MS4A5: variants seen among roughly 807,000 people sequenced by gnomAD.
MS4A5 encodes the protein membrane-spanning 4-domains subfamily A member 5.
A neutral mutation model predicts 18.2 loss-of-function variants in MS4A5; 15 were observed. The ratio of observed to expected loss-of-function variants is 0.83; its 90% CI spans 0.55 to 1.27. The LOEUF (loss-of-function observed/expected upper bound fraction) is 1.27. MS4A5 is among the 50% of genes most tolerant of loss of function. The pLI, the probability that MS4A5 is intolerant of heterozygous loss-of-function variation, is 0.00. For missense variants in MS4A5, 232 were observed against 225.7 expected, an observed-to-expected ratio of 1.03 and a Z score of -0.18; for synonymous variants, 89 against 78.7, an observed-to-expected ratio of 1.13 and a Z score of -0.69.
intron 4 of MS4A5, among the ~76,000 whole-genome samples, chr11:60,442,709 C>A (rs1007303441): frequency 2.0e-5 from 3 of 152,124 alleles, no homozygotes; most frequent in Non-Finnish European, 4.4e-5. Flanking sequence ...CCCCGCTGTA[C>A]AACAGATCTC....
At chr11:60,432,641 CA>C (rs2135171297) in intron 3 of MS4A5, among the ~76,000 whole-genome samples, 174 bp downstream of exon 3, 1 of 151,902 alleles carries the variant, frequency 6.6e-6, no homozygotes, top group East Asian at 1.9e-4. Context: ...CAAAATTAGC[CA>C]GGTGTGGTGG....
chr11:60,441,766 A>C lies in MS4A5; in HGVS notation c.493-5883A>C, dbSNP rs561528113. 4.6e-5 allele frequency among the ~76,000 whole-genome samples: 7 copies of C among 152,194 alleles called. No homozygotes were observed. In the South Asian group the frequency reaches 1.4e-3, roughly 32 times the overall value. ...ATTAAAAAATTTAAAATTTTAAAAA[A>C]AGATGGTCCCAGTAAATAAGAGTTT... On this transcript the variant is annotated intron_variant, in intron 4 of 4. Coordinates refer to ENST00000300190, the MANE Select transcript of MS4A5 (RefSeq NM_023945.3).
intron 4 of MS4A5, among the ~76,000 whole-genome samples, chr11:60,440,163 C>A (rs2086102667): frequency 1.2e-5 from 1 of 85,206 alleles, no homozygotes; most frequent in Admixed American, 1.4e-4. Context: ...CTGAGAAAAA[C>A]AAGCAATGGG....
At chr11:60,434,866 T>C (rs935846115) in intron 4 of MS4A5, among the ~76,000 whole-genome samples, 2 of 152,202 alleles carry the variant, frequency 1.3e-5, no homozygotes, top group African/African-American at 4.8e-5. Flanking sequence ...AGGTTTCACA[T>C]CCACTCAAAG....
chr11:60,434,349 C>CCACTAAGATTAGTGGTATTCTTTTA (rs1203553511), intron 4 of MS4A5, among the ~76,000 whole-genome samples: 19 of 152,060 alleles, frequency 1.2e-4, no homozygotes, highest in African/African-American at 4.6e-4. Flanking sequence ...CTTCAAAATA[C>CCACTAAGATTAGTGGTATTCTTTTA]CACTAAGATT....
At chr11:60,430,701 A>G in intron 1 of MS4A5, 95 bp from the exon 2 acceptor site, 1 of 1,445,524 alleles carries the variant, frequency 6.9e-7, no homozygotes, top group Non-Finnish European at 9.4e-7. Flanking sequence ...AAAGAGAGTA[A>G]TTGCCAAATC....
intron 4 of MS4A5, among the ~76,000 whole-genome samples, chr11:60,442,752 G>A (rs1328236000): frequency 6.6e-6 from 1 of 152,168 alleles, no homozygotes; most frequent in Non-Finnish European, 1.5e-5. Flanking sequence ...ACTAACTGAT[G>A]GAAGTGATAA....
chr11:60,433,987 G>A, intron 4 of MS4A5, 70 bp downstream of exon 4: 4 of 1,322,986 alleles, frequency 3.0e-6, no homozygotes, highest in African/African-American at 1.5e-5. Context: ...CACTCAATCA[G>A]CACCATTCAG....
At chr11:60,435,325 C>CAAAAAAAAAAA in intron 4 of MS4A5, 1 of 393,162 alleles carries the variant, frequency 2.5e-6, no homozygotes, top group Middle Eastern at 3.6e-4. Flanking sequence ...CAGAACATAG[C>CAAAAAAAAAAA]AAAAAAAAAA....
Position 60,433,803 on chromosome 11 carries a change from G to T in MS4A5, c.378G>T (p.Leu126=). ...GAATAATGAATTTTCTTAGTGCCCT[G>T]GGAGCAATAGCTGGAATCATTCTCC... ...LSRIMNFLSA[L]GAIAGIILLT... The change falls in exon 4 of 5, where the codon CTG becomes CTT. Residue 126 remains leucine, a synonymous_variant. Coordinates refer to ENST00000300190, the MANE Select transcript of MS4A5 (RefSeq NM_023945.3). 1 of 1,613,874 alleles carries T rather than the reference G, an allele frequency of 6.2e-7. No homozygotes were observed. The highest frequency in any genetic ancestry group is 1.7e-5 in the Admixed American group (1 of 60,016).
chr11:60,447,412 A>G (rs1224336777), intron 4 of MS4A5, among the ~76,000 whole-genome samples: 1 of 152,212 alleles, frequency 6.6e-6, no homozygotes, highest in Non-Finnish European at 1.5e-5. Context: ...GTACTATGCT[A>G]TGCTATCCTA....
At chr11:60,436,868 AC>A (rs1488774656) in intron 4 of MS4A5, among the ~76,000 whole-genome samples, 3 of 134,646 alleles carry the variant, frequency 2.2e-5, no homozygotes, top group African/African-American at 7.8e-5. Context: ...ATCCAGGAGA[AC>A]TTCCCCAATC....
intron 4 of MS4A5, among the ~76,000 whole-genome samples, chr11:60,438,342 C>T (rs1276973953): frequency 6.6e-6 from 1 of 151,920 alleles, no homozygotes. Context: ...AAATTGACAC[C>T]CTAACATCAC....
intron 3 of MS4A5, 91 bp from the exon 4 acceptor site, chr11:60,433,673 TA>T: frequency 7.6e-7 from 1 of 1,307,456 alleles, no homozygotes; most frequent in Non-Finnish European, 1.1e-6. Context: ...ATGCTGTGAC[TA>T]AAATCCTGCT....
intron 4 of MS4A5, among the ~76,000 whole-genome samples, chr11:60,436,657 GAAGA>G (rs966926824): frequency 1.5e-5 from 2 of 134,416 alleles, no homozygotes; most frequent in African/African-American, 5.1e-5. Flanking sequence ...CGATCAACTG[GAAGA>G]AAGGGTATCA....
At position 60,429,713 on chromosome 11, in the gene MS4A5, A is replaced by G. The variant is rs752945816; in HGVS notation, c.39A>G (p.Val13=). The G allele has an allele frequency of 3.1e-6, 5 of 1,613,880 alleles. No individual in the cohort carries two copies. In the Admixed American group the frequency reaches 8.3e-5, roughly 27 times the overall value. Residue 13 remains valine, a synonymous_variant, in exon 1 of 5, where the codon GTA becomes GTG. Transcript: ENST00000300190. ...SSTAHSPVFL[V]FPPEITASEY... ...CCGCACACAGTCCGGTGTTTCTGGT[A>G]TTTCCTCCAGAAATCACTGCTTCAG... is the stretch of plus-strand genomic sequence containing the variant.
At chr11:60,430,746 G>A in intron 1 of MS4A5, 50 bp from the exon 2 acceptor site, 1 of 1,596,948 alleles carries the variant, frequency 6.3e-7, no homozygotes, top group South Asian at 1.1e-5. Context: ...AAACAGAAGG[G>A]AAACTATCAC....
chr11:60,443,165 A>G (rs1255509893), intron 4 of MS4A5, among the ~76,000 whole-genome samples: 3 of 152,162 alleles, frequency 2.0e-5, no homozygotes, highest in Non-Finnish European at 4.4e-5. Context: ...CAACAAAAAC[A>G]CAATGAAAGT....
rs1169794841 is a variant in MS4A5, at chr11:60,430,803, A to G, written c.161A>G (p.Gln54Arg). 13 of 1,612,872 alleles carry G rather than the reference A, an allele frequency of 8.1e-6. No homozygotes were observed. The highest frequency in any genetic ancestry group is 2.2e-5 in the South Asian group (2 of 90,884). Residue 54 changes from glutamine (Q) to arginine (R), a missense_variant, in exon 2 of 5, where the codon CAG becomes CGG. Transcript: ENST00000300190. ...TTTTTCCTCTATTTGCAGACTATCC[A>G]GATCCTGTTTGGAATTATGACCTTT... Reference protein sequence around the residue: ...ARKMKILGTIQILFGIMTFSF... With the variant: ...ARKMKILGTIRILFGIMTFSF...
Sources: gnomAD v4.1 joint callset for allele counts (sites outside exome capture counted in the v4.1 genomes callset) on GRCh38, gnomAD v4.1.1 for gene constraint, MANE v1.5 for transcripts, NCBI Gene and HGNC (gene_info 2026-07-23, HGNC 2026-07-21) for gene names.